The following SLC7A6OS variants were observed in gnomAD, a reference collection of about 807,000 sequenced individuals.
SLC7A6OS encodes probable RNA polymerase II nuclear localization protein SLC7A6OS.
In SLC7A6OS, 22 loss-of-function variants were observed where a neutral mutation model predicts 34.3. That is an observed-to-expected ratio of 0.64 (90% confidence interval 0.46 to 0.92). SLC7A6OS has a LOEUF of 0.92. SLC7A6OS is among the 40% of genes least tolerant of loss of function. The pLI is 0.00. For synonymous variants in SLC7A6OS, 199 were observed against 165.0 expected, an observed-to-expected ratio of 1.21 and a Z score of -1.58; for missense variants, 434 against 407.7, an observed-to-expected ratio of 1.06 and a Z score of -0.56.
In SLC7A6OS at chr16:68,299,035, A is replaced by G. The variant is rs2043223533; in HGVS notation, c.*2240T>C. 2 of 152,616 alleles carry G rather than the reference A, an allele frequency of 1.3e-5. No homozygotes were observed. The highest frequency in any genetic ancestry group is 4.8e-5 in the African/African-American group (2 of 41,440). The allele number at this position is 152,616 out of a possible 1,614,324, so 9.5% of individuals were successfully genotyped here. A position where few individuals can be genotyped will look rare whatever the true frequency, so the allele number is the denominator to read the frequency against. The stretch of plus-strand genomic sequence containing the variant: ...ATGGTCATAGTTGCCCTGGGTTCAG[A>G]GCATAATGCATATGTGAAGCATGGG... On this transcript the variant is annotated 3_prime_UTR_variant, in exon 5 of 5. Transcript: ENST00000263997.
chr16:68,303,739 C>T (rs1597021541), intron 3 of SLC7A6OS: 1 of 370,486 alleles, frequency 2.7e-6, no homozygotes, highest in Middle Eastern at 7.4e-4. Context: ...GCCCCATATA[C>T]ATATTTCCCC....
Position 68,310,544 on chromosome 16 carries a change from G to T in SLC7A6OS, c.262C>A (p.Arg88Ser). The T allele has an allele frequency of 6.3e-7, 1 of 1,582,006 alleles. No homozygotes were observed. ...PSRDSQQRVR[R>S]NLRASAREVR... ...TCCCGAGCCGAGGCGCGGAGATTACGGCGGACACGCTGCTGGCTGTCCCGT... is the reference window on the plus strand; with the variant it reads ...TCCCGAGCCGAGGCGCGGAGATTACTGCGGACACGCTGCTGGCTGTCCCGT... The change falls in exon 2 of 5, where the codon CGT (arginine) becomes AGT (serine). Residue 88 changes from arginine (R) to serine (S), a missense_variant. Coordinates refer to ENST00000263997, the MANE Select transcript of SLC7A6OS (RefSeq NM_032178.3).
In SLC7A6OS at chr16:68,304,201, G is replaced by C; in HGVS notation, c.503C>G (p.Ser168Cys). 1 of 1,614,198 alleles carries C rather than the reference G, an allele frequency of 6.2e-7. No homozygotes were observed. Among genetic ancestry groups the C allele is most frequent in the Non-Finnish European group, 8.5e-7 (1 of 1,180,036 alleles). Residue 168 changes from serine (S) to cysteine (C), a missense_variant, in exon 3 of 5, where the codon TCT becomes TGT. Ser to Cys is a moderately radical substitution (Grantham distance 112). Transcript: ENST00000263997. ...TSDPDVILCN[S>C]VELIRERLTV... ...CAATCGCTCACGGATCAACTCTACA[G>C]AATTGCAGAGGATCACATCTGGGTC... is the stretch of plus-strand genomic sequence containing the variant.
At position 68,310,473 on chromosome 16, in the gene SLC7A6OS, G is replaced by A; in HGVS notation, c.333C>T (p.Ser111=). Reference sequence around the variant, plus strand: ...CCTGGCCGCTCGAGGTGGTCCCCAAGGATCGGCGGCTGGAAAGCACCCGGT... The same window carrying A: ...CCTGGCCGCTCGAGGTGGTCCCCAAAGATCGGCGGCTGGAAAGCACCCGGT... ...GRYRVLSSRR[S]LGTTSSGQES... The change falls in exon 2 of 5, where the codon TCC becomes TCT. Residue 111 remains serine, a synonymous_variant. Coordinates refer to ENST00000263997, the MANE Select transcript of SLC7A6OS (RefSeq NM_032178.3). The A allele has an allele frequency of 6.3e-7, 1 of 1,598,230 alleles. No homozygotes were observed. Among genetic ancestry groups the A allele is most frequent in the Non-Finnish European group, 8.5e-7 (1 of 1,172,912 alleles).
At chr16:68,303,982 A>G (rs1177472267) in intron 3 of SLC7A6OS, 44 bp downstream of exon 3, 2 of 1,541,738 alleles carry the variant, frequency 1.3e-6, no homozygotes, top group East Asian at 2.2e-5. Flanking sequence ...TTAGATTAAG[A>G]GCTTAGGATG....
At chr16:68,307,179 G>A (rs2043333608) in intron 2 of SLC7A6OS, among the ~76,000 whole-genome samples, 1 of 152,112 alleles carries the variant, frequency 6.6e-6, no homozygotes, top group Admixed American at 6.5e-5. Context: ...GCCATTTCCT[G>A]CATTTGAAAA....
At chr16:68,301,559 T>TA (rs1417900747) in intron 4 of SLC7A6OS, 154 bp from the exon 5 acceptor site, 1 of 575,328 alleles carries the variant, frequency 1.7e-6, no homozygotes, top group Non-Finnish European at 2.8e-6. Context: ...CTTTTTTTTT[T>TA]AAAGAAGGAA....
chr16:68,301,520 G>T, intron 4 of SLC7A6OS, 115 bp from the exon 5 acceptor site: 1 of 776,264 alleles, frequency 1.3e-6, no homozygotes, highest in Non-Finnish European at 2.0e-6. Flanking sequence ...CAAAATCCTT[G>T]CTCAATAAAT....
At chr16:68,307,995 G>A (rs1186446424) in intron 2 of SLC7A6OS, among the ~76,000 whole-genome samples, 5 of 152,064 alleles carry the variant, frequency 3.3e-5, no homozygotes, top group Non-Finnish European at 5.9e-5. Flanking sequence ...TCTGCCTCCC[G>A]CGTTCAGGCG....
rs2043210746 is a variant in SLC7A6OS, at chr16:68,298,300, T to C, written c.*2975A>G. Reference sequence around the variant, plus strand: ...ACTTCTGATATTCAGGTGGATCACCTGAATTCTCTCAGCTGTCAATGGCTT... The same window carrying C: ...ACTTCTGATATTCAGGTGGATCACCCGAATTCTCTCAGCTGTCAATGGCTT... On this transcript the variant is annotated 3_prime_UTR_variant, in exon 5 of 5. Transcript: ENST00000263997. 1 of 152,660 alleles carries C rather than the reference T, an allele frequency of 6.6e-6. No individual in the cohort carries two copies. The highest frequency in any genetic ancestry group is 2.4e-5 in the African/African-American group (1 of 41,454). 9.5% of individuals were successfully genotyped at this position (152,660 alleles called of 1,614,324 possible). A position where few individuals can be genotyped will look rare whatever the true frequency, so the allele number is the denominator to read the frequency against.
Position 68,301,207 on chromosome 16 carries a change from G to C in SLC7A6OS, c.*68C>G, listed in dbSNP as rs2043266239. ...TAGGAAACCTAACAGGATGTCAGCA[G>C]GGCAGTTAACTCTGGACTCAGAGCC... is the stretch of plus-strand genomic sequence containing the variant. On this transcript the variant is annotated 3_prime_UTR_variant, in exon 5 of 5. Coordinates refer to ENST00000263997, the MANE Select transcript of SLC7A6OS (RefSeq NM_032178.3). The C allele has an allele frequency of 1.3e-6, 2 of 1,563,752 alleles. No homozygotes were observed. Among genetic ancestry groups the C allele is most frequent in the Non-Finnish European group, 1.7e-6 (2 of 1,150,180 alleles).
chr16:68,309,528 C>A (rs945814353), intron 2 of SLC7A6OS, among the ~76,000 whole-genome samples: 7 of 152,152 alleles, frequency 4.6e-5, no homozygotes, highest in African/African-American at 7.2e-5. Context: ...CTGTGCCCAG[C>A]CTCAAGGAGA....
chr16:68,303,582 C>T (rs1289368276), intron 3 of SLC7A6OS: 1 of 158,976 alleles, frequency 6.3e-6, no homozygotes. Flanking sequence ...GACCTTGTCT[C>T]AAAAAAGAAA....
Position 68,310,722 on chromosome 16 carries a change from C to G in SLC7A6OS, c.192+13G>C. On this transcript the variant is annotated intron_variant, in intron 1 of 4. Transcript: ENST00000263997. The stretch of plus-strand genomic sequence containing the variant: ...GAAGATGCCCTCCACACCAGCTGCA[C>G]CACGCCCAATACCTGGGAGCACACA... 1 of 1,596,784 alleles carries G rather than the reference C, an allele frequency of 6.3e-7. No homozygotes were observed. Among genetic ancestry groups the G allele is most frequent in the East Asian group, 2.2e-5 (1 of 44,568 alleles).
chr16:68,302,370 C>CGGCA lies in SLC7A6OS; in HGVS notation c.799+10_799+11insTGCC. 2.5e-6 allele frequency: 4 copies of CGGCA among 1,614,070 alleles called. No homozygotes were observed. In the South Asian group the frequency reaches 4.4e-5, roughly 18 times the overall value. ...CCTACCAGTCCCTCCCGGTCTGGGGCTGCCACCCACCTCTGGAATCCTCAT... is the reference window on the plus strand; with the variant it reads ...CCTACCAGTCCCTCCCGGTCTGGGGCGGCATGCCACCCACCTCTGGAATCCTCAT... On this transcript the variant is annotated intron_variant, in intron 4 of 4. Coordinates refer to ENST00000263997, the MANE Select transcript of SLC7A6OS (RefSeq NM_032178.3).
intron 2 of SLC7A6OS, among the ~76,000 whole-genome samples, chr16:68,305,808 A>G (rs1597022680): frequency 6.6e-6 from 1 of 152,166 alleles, no homozygotes; most frequent in African/African-American, 2.4e-5. Context: ...GCCTGTAATC[A>G]CAGCACTTTG....
Position 68,302,409 on chromosome 16 carries a change from C to T in SLC7A6OS, c.771G>A (p.Glu257=), listed in dbSNP as rs35415837. Residue 257 remains glutamate, a synonymous_variant, in exon 4 of 5, where the codon GAG becomes GAA. Coordinates refer to ENST00000263997, the MANE Select transcript of SLC7A6OS (RefSeq NM_032178.3). ...NNWRNEYPEE[E]SSDGDEDSRG... is the part of the protein sequence containing the mutation. ...TGGAATCCTCATCTCCATCACTGCTCTCCTCCTCTGGGTACTCATTGCGCC... is the reference window on the plus strand; with the variant it reads ...TGGAATCCTCATCTCCATCACTGCTTTCCTCCTCTGGGTACTCATTGCGCC... The T allele has an allele frequency of 2.5e-6, 4 of 1,614,216 alleles. No homozygotes were observed. Among genetic ancestry groups the T allele is most frequent in the Non-Finnish European group, 3.4e-6 (4 of 1,180,038 alleles).
chr16:68,308,484 G>A (rs1218920128), intron 2 of SLC7A6OS, among the ~76,000 whole-genome samples: 4 of 151,518 alleles, frequency 2.6e-5, no homozygotes, highest in East Asian at 2.0e-4. Context: ...AAAATTAGCC[G>A]GGTGTGGTGG....
At chr16:68,309,518 C>T (rs1400194268) in intron 2 of SLC7A6OS, among the ~76,000 whole-genome samples, 1 of 152,210 alleles carries the variant, frequency 6.6e-6, no homozygotes, top group Admixed American at 6.5e-5. Context: ...GCGTCAGCTA[C>T]TGTGCCCAGC....
Sources: gnomAD v4.1 joint callset for allele counts (sites outside exome capture counted in the v4.1 genomes callset) on GRCh38, gnomAD v4.1.1 for gene constraint, MANE v1.5 for transcripts, NCBI Gene and HGNC (gene_info 2026-07-23, HGNC 2026-07-21) for gene names.